Variants in PRKCE observed in about 807,000 individuals in gnomAD.
PRKCE encodes the protein protein kinase C epsilon type.
PRKCE carries 16 observed loss-of-function variants against 85.4 expected under a neutral mutation model. The ratio of observed to expected loss-of-function variants is 0.19; its 90% CI spans 0.13 to 0.28. The LOEUF is 0.28. Among genes scored for constraint, PRKCE ranks in the 10% least tolerant of loss-of-function variants. PRKCE has a pLI of 1.00. For synonymous variants in PRKCE, 388 were observed against 371.5 expected (o/e 1.04, Z -0.51); for missense variants, 573 against 975.2 (o/e 0.59, Z 5.49).
chr2:45,922,319 G>T (rs1288976199), intron 2 of PRKCE, among the ~76,000 whole-genome samples: 1 of 152,114 alleles, frequency 6.6e-6, no homozygotes, highest in Non-Finnish European at 1.5e-5. Context: ...AAAAGAGCTG[G>T]ACTAGAGGCC....
chr2:45,847,508 G>A (rs981080615), intron 2 of PRKCE, among the ~76,000 whole-genome samples: 1 of 152,190 alleles, frequency 6.6e-6, no homozygotes, highest in East Asian at 1.9e-4. Context: ...GCTTCGCTTG[G>A]TTCTGAAATA....
intron 7 of PRKCE, among the ~76,000 whole-genome samples, chr2:46,002,992 C>T (rs1213224388): frequency 6.6e-6 from 1 of 152,210 alleles, no homozygotes; most frequent in African/African-American, 2.4e-5. Context: ...GAGACATTGT[C>T]TGCCTTGTCT....
In PRKCE at chr2:45,682,649, C is replaced by T. The variant is rs1265464839; in HGVS notation, c.348+30201C>T. ...TTGCCCAGGCTGGAGTGCAATGGCG[C>T]GATCTCCACTCACTGTAACCTCCAC... On this transcript the variant is annotated intron_variant, in intron 1 of 14. Coordinates refer to ENST00000306156, the MANE Select transcript of PRKCE (RefSeq NM_005400.3). Among the ~76,000 whole-genome samples the T allele has an allele frequency of 3.3e-5, 5 of 151,596 alleles. No homozygotes were observed. The East Asian group carries it at 5.8e-4, about 18-fold the overall frequency.
rs77422201 is a variant in PRKCE at position 45,913,789 on chromosome 2, T to C, written c.413-62640T>C. Among the ~76,000 whole-genome samples the C allele has an allele frequency of 7.6e-3, 1,155 of 152,310 alleles. 40 individuals carry two copies. The East Asian group carries it at 0.1, about 14-fold the overall frequency. On this transcript the variant is annotated intron_variant, in intron 2 of 14. Coordinates refer to ENST00000306156, the MANE Select transcript of PRKCE (RefSeq NM_005400.3). ...CCCTGCCATCCAGGTGTCTAGTGTG[T>C]AGTCAGGGAGAGGAGCCAGTGTATA...
chr2:45,910,275 A>T (rs765115415), intron 2 of PRKCE, among the ~76,000 whole-genome samples: 44 of 152,304 alleles, frequency 2.9e-4, no homozygotes, highest in Middle Eastern at 6.8e-3. Context: ...GTTGTTCTTG[A>T]GTCCCAGTGG....
intron 14 of PRKCE, among the ~76,000 whole-genome samples, chr2:46,173,728 C>G (rs908920984): frequency 6.6e-6 from 1 of 152,222 alleles, no homozygotes; most frequent in Non-Finnish European, 1.5e-5. Context: ...AACAGGGACA[C>G]CTGCTTGCCT....
intron 2 of PRKCE, among the ~76,000 whole-genome samples, chr2:45,849,928 CA>C (rs1428046792): frequency 6.6e-6 from 1 of 152,080 alleles, no homozygotes; most frequent in Non-Finnish European, 1.5e-5. Flanking sequence ...CAGATGAGAC[CA>C]AGGGGATCAG....
chr2:45,992,152 G>A (rs1328003585), intron 6 of PRKCE, among the ~76,000 whole-genome samples: 1 of 152,200 alleles, frequency 6.6e-6, no homozygotes, highest in Non-Finnish European at 1.5e-5. Flanking sequence ...GAGAGGGCCT[G>A]GAAAGGGGTG....
At chr2:45,842,394 C>G (rs1691427359) in intron 1 of PRKCE, among the ~76,000 whole-genome samples, 1 of 152,162 alleles carries the variant, frequency 6.6e-6, no homozygotes, top group South Asian at 2.1e-4. Flanking sequence ...TTTTTTAACT[C>G]CACAATGAGA....
intron 7 of PRKCE, among the ~76,000 whole-genome samples, chr2:46,003,135 C>T (rs1458512892): frequency 2.0e-5 from 3 of 152,142 alleles, no homozygotes; most frequent in Non-Finnish European, 4.4e-5. Context: ...TGGGAAAAAC[C>T]AAGTTGTAAC....
chr2:46,029,650 T>G (rs1367884798), intron 10 of PRKCE, among the ~76,000 whole-genome samples: 1 of 151,150 alleles, frequency 6.6e-6, no homozygotes, highest in Admixed American at 6.6e-5. Flanking sequence ...CGCTAATTGC[T>G]TAAACATCAG....
chr2:45,686,007 A>C (rs1677270142), intron 1 of PRKCE, among the ~76,000 whole-genome samples: 1 of 152,194 alleles, frequency 6.6e-6, no homozygotes, highest in Non-Finnish European at 1.5e-5. Context: ...ATTTTGCATC[A>C]ATCATATAGA....
chr2:45,856,026 T>C (rs1191372154), intron 2 of PRKCE, among the ~76,000 whole-genome samples: 1 of 152,110 alleles, frequency 6.6e-6, no homozygotes, highest in Non-Finnish European at 1.5e-5. Context: ...AACAAAACCC[T>C]TATAGAAAGA....
intron 1 of PRKCE, among the ~76,000 whole-genome samples, chr2:45,666,875 C>G (rs1040421235): frequency 1.3e-5 from 2 of 152,168 alleles, no homozygotes; most frequent in Non-Finnish European, 2.9e-5. Flanking sequence ...GGGTCTTCCT[C>G]TGTCACCCAG....
chr2:45,787,494 G>A (rs1686701116), intron 1 of PRKCE, among the ~76,000 whole-genome samples: 1 of 152,172 alleles, frequency 6.6e-6, no homozygotes, highest in Non-Finnish European at 1.5e-5. Context: ...GGGAAGTTCA[G>A]TTGTAGGCAA....
intron 1 of PRKCE, among the ~76,000 whole-genome samples, chr2:45,685,050 C>A (rs990568979): frequency 3.9e-5 from 6 of 152,016 alleles, no homozygotes; most frequent in African/African-American, 1.5e-4. Flanking sequence ...TGAAAATTGG[C>A]CAAAAGATCA....
intron 1 of PRKCE, among the ~76,000 whole-genome samples, chr2:45,796,972 G>T (rs905613033): frequency 2.6e-5 from 4 of 152,170 alleles, no homozygotes; most frequent in Admixed American, 2.0e-4. Context: ...GAACAGTTAA[G>T]ACATCATTGA....
intron 1 of PRKCE, among the ~76,000 whole-genome samples, chr2:45,830,362 A>G (rs1441206295): frequency 6.6e-6 from 1 of 152,198 alleles, no homozygotes; most frequent in East Asian, 1.9e-4. Context: ...GAAAGGCATT[A>G]TGAATAAATA....
At chr2:45,714,504 T>C (rs1679927613) in intron 1 of PRKCE, among the ~76,000 whole-genome samples, 2 of 152,248 alleles carry the variant, frequency 1.3e-5, no homozygotes, top group Admixed American at 1.3e-4. Flanking sequence ...CATCTCAGGA[T>C]ACAGAATGGC....
Sources: gnomAD v4.1 joint callset for allele counts (sites outside exome capture counted in the v4.1 genomes callset) on GRCh38, gnomAD v4.1.1 for gene constraint, MANE v1.5 for transcripts, NCBI Gene and HGNC (gene_info 2026-07-23, HGNC 2026-07-21) for gene names.